KHDRBS3: variants seen among roughly 807,000 people sequenced by gnomAD.
KHDRBS3 encodes the protein KH RNA binding domain containing, signal transduction associated 3.
KHDRBS3 carries 23 observed loss-of-function variants against 45.6 expected under a neutral mutation model. The ratio of observed to expected loss-of-function variants is 0.50; its 90% CI spans 0.36 to 0.72. The LOEUF (loss-of-function observed/expected upper bound fraction) is 0.72. Ranked by LOEUF, KHDRBS3 falls within the 30% of genes least tolerant of loss-of-function variation. The pLI, the probability that KHDRBS3 is intolerant of heterozygous loss-of-function variation, is 0.00. For synonymous variants in KHDRBS3, 162 were observed against 156.5 expected (o/e 1.04, Z -0.26); for missense variants, 352 against 424.8 (o/e 0.83, Z 1.51).
chr8:135,552,606 T>C (rs900587083), intron 4 of KHDRBS3, among the ~76,000 whole-genome samples: 1 of 152,160 alleles, frequency 6.6e-6, no homozygotes, highest in Admixed American at 6.5e-5. Context: ...TGTAATCTGA[T>C]GTATTTTCTT....
At chr8:135,476,514 T>C (rs960600031) in intron 1 of KHDRBS3, among the ~76,000 whole-genome samples, 4 of 152,202 alleles carry the variant, frequency 2.6e-5, no homozygotes, top group African/African-American at 9.6e-5. Context: ...AAACACTGTC[T>C]TCTCATCTTA....
At chr8:135,465,724 T>A (rs554424140) in intron 1 of KHDRBS3, among the ~76,000 whole-genome samples, 70 of 152,352 alleles carry the variant, frequency 4.6e-4, no homozygotes, top group African/African-American at 1.7e-3. Flanking sequence ...TGGTAAGCTG[T>A]AAATTTCCAT....
chr8:135,574,151 A>ACGTCACCTCCATCATGTTAGCG (rs1203879970), intron 5 of KHDRBS3, among the ~76,000 whole-genome samples: 46 of 101,204 alleles, frequency 4.5e-4, no homozygotes, highest in African/African-American at 1.6e-3. Flanking sequence ...TTGTGTTAGC[A>ACGTCACCTCCATCATGTTAGCG]CGTCACCTCC....
intron 1 of KHDRBS3, among the ~76,000 whole-genome samples, chr8:135,478,855 A>G (rs1822427553): frequency 6.6e-6 from 1 of 152,242 alleles, no homozygotes; most frequent in African/African-American, 2.4e-5. Context: ...TATATTAAAA[A>G]TAAAGGTAAA....
chr8:135,519,445 T>G (rs138463168), intron 1 of KHDRBS3, among the ~76,000 whole-genome samples: 18 of 152,294 alleles, frequency 1.2e-4, no homozygotes, highest in East Asian at 3.9e-4. Flanking sequence ...ATTTGGAGGC[T>G]CCAGGATCCT....
At chr8:135,555,533 G>A (rs1353190485) in intron 4 of KHDRBS3, among the ~76,000 whole-genome samples, 1 of 151,968 alleles carries the variant, frequency 6.6e-6, no homozygotes, top group Non-Finnish European at 1.5e-5. Context: ...TAGGTCTCTT[G>A]ATTCATTTTG....
chr8:135,649,467 T>C (rs988731916), downstream of KHDRBS3, among the ~76,000 whole-genome samples: 1 of 152,246 alleles, frequency 6.6e-6, no homozygotes, highest in African/African-American at 2.4e-5. Flanking sequence ...ATGAAAAATA[T>C]GTGAGCTTGG....
chr8:135,632,495 T>A (rs902143689), intron 7 of KHDRBS3, among the ~76,000 whole-genome samples: 18 of 152,086 alleles, frequency 1.2e-4, no homozygotes, highest in African/African-American at 4.1e-4. Context: ...GATTTATGTC[T>A]GCAGGTCAGA....
chr8:135,571,216 C>A (rs1005153740), intron 5 of KHDRBS3, among the ~76,000 whole-genome samples: 8 of 152,120 alleles, frequency 5.3e-5, no homozygotes, highest in African/African-American at 1.7e-4. Flanking sequence ...ACCTGGGTTG[C>A]CAACTTATTT....
rs113396795 is a variant in KHDRBS3 at position 135,484,999 on chromosome 8, C to T, written c.88+27045C>T. 4.1e-3 allele frequency among the ~76,000 whole-genome samples: 631 copies of T among 152,292 alleles called. 11 individuals are homozygous for T. Among genetic ancestry groups the T allele is most frequent in the African/African-American group, 0.014 (568 of 41,540 alleles). ...AAGAAATAGCTCCTGACATCAGAAA[C>T]GCAGTTGACCAGGATGTGTACAGTG... On this transcript the variant is annotated intron_variant, in intron 1 of 8. Transcript: ENST00000355849.
intron 7 of KHDRBS3, among the ~76,000 whole-genome samples, chr8:135,633,170 A>G (rs1830675749): frequency 6.6e-6 from 1 of 152,190 alleles, no homozygotes; most frequent in South Asian, 2.1e-4. Context: ...TGTTTATTAA[A>G]TATGTTTTAA....
chr8:135,550,239 T>C (rs1826519418), intron 4 of KHDRBS3, among the ~76,000 whole-genome samples: 2 of 152,174 alleles, frequency 1.3e-5, no homozygotes, highest in Admixed American at 6.6e-5. Flanking sequence ...ATTTATCCCA[T>C]GACCCTTACG....
chr8:135,581,968 A>G lies in KHDRBS3; in HGVS notation c.702A>G (p.Pro234=), dbSNP rs568743961. ...TPRGVLSTRG[P]VSRGRGLLTP... ...GAGGAGTCCTGTCCACCCGAGGGCCAGTGAGTCGGGGAAGAGGACTTCTCA... is the reference window on the plus strand; with the variant it reads ...GAGGAGTCCTGTCCACCCGAGGGCCGGTGAGTCGGGGAAGAGGACTTCTCA... The change falls in exon 6 of 9, where the codon CCA becomes CCG. Residue 234 remains proline, a synonymous_variant. Transcript: ENST00000355849. 1.4e-5 allele frequency: 22 copies of G among 1,613,636 alleles called. No homozygotes were observed. Among genetic ancestry groups the G allele is most frequent in the Admixed American group, 3.3e-5 (2 of 59,968 alleles).
At chr8:135,613,560 C>G (rs1040542877) in intron 7 of KHDRBS3, among the ~76,000 whole-genome samples, 1 of 151,578 alleles carries the variant, frequency 6.6e-6, no homozygotes, top group Admixed American at 6.6e-5. Flanking sequence ...AGTGTGAGCC[C>G]GAGTTCCTGC....
At chr8:135,585,822 T>A (rs960793407) in intron 6 of KHDRBS3, among the ~76,000 whole-genome samples, 1 of 152,206 alleles carries the variant, frequency 6.6e-6, no homozygotes, top group Non-Finnish European at 1.5e-5. Context: ...AAGCACTTAG[T>A]AAATGTTCGT....
intron 6 of KHDRBS3, among the ~76,000 whole-genome samples, chr8:135,593,932 A>G (rs1828860957): frequency 6.6e-6 from 1 of 152,142 alleles, no homozygotes; most frequent in African/African-American, 2.4e-5. Flanking sequence ...TTTAAACCAA[A>G]CAGGAAGGGA....
intron 5 of KHDRBS3, among the ~76,000 whole-genome samples, chr8:135,571,611 C>T (rs1466040362): frequency 6.6e-6 from 1 of 151,926 alleles, no homozygotes; most frequent in Non-Finnish European, 1.5e-5. Context: ...CAAGTAATTC[C>T]GCAGGGAGAG....
intron 5 of KHDRBS3, among the ~76,000 whole-genome samples, chr8:135,569,369 G>C (rs1448418415): frequency 6.6e-6 from 1 of 152,070 alleles, no homozygotes; most frequent in Non-Finnish European, 1.5e-5. Flanking sequence ...TGTTAAATTG[G>C]CTGCTATAAA....
intron 7 of KHDRBS3, among the ~76,000 whole-genome samples, chr8:135,622,348 C>A (rs1029607791): frequency 6.6e-6 from 1 of 152,034 alleles, no homozygotes; most frequent in Non-Finnish European, 1.5e-5. Flanking sequence ...CTATAAGTGT[C>A]GTAGTTTAAA....
Sources: gnomAD v4.1 joint callset for allele counts (sites outside exome capture counted in the v4.1 genomes callset) on GRCh38, gnomAD v4.1.1 for gene constraint, MANE v1.5 for transcripts, NCBI Gene and HGNC (gene_info 2026-07-23, HGNC 2026-07-21) for gene names.